The following HIVEP1 variants were observed in gnomAD, a reference collection of about 807,000 sequenced individuals.
HIVEP1 encodes HIVEP zinc finger 1, also known as zinc finger protein 40.
Under a neutral mutation model 180.0 loss-of-function variants are expected in HIVEP1, and 36 were observed. That is an observed-to-expected ratio of 0.20 (90% CI 0.15 to 0.26). The LOEUF is 0.26. Ranked by LOEUF, HIVEP1 falls within the 10% of genes least tolerant of loss-of-function variation. The pLI, the probability that HIVEP1 is intolerant of heterozygous loss-of-function variation, is 1.00. For missense variants in HIVEP1, 3,143 were observed against 3,268.7 expected (o/e 0.96, Z 0.94); for synonymous variants, 1,239 against 1,239.0 (o/e 1.00, Z 0.00).
At chr6:12,206,079 C>T in the HIVEP1 span, among the ~76,000 whole-genome samples, 1 of 152,136 alleles carries the variant, frequency 6.6e-6, no homozygotes. Flanking sequence ...TTAGGATGGG[C>T]CCTAATCCAA....
intron 7 of HIVEP1, among the ~76,000 whole-genome samples, chr6:12,148,126 G>C (rs1759481009): frequency 6.6e-6 from 1 of 152,200 alleles, no homozygotes; most frequent in Admixed American, 6.5e-5. Flanking sequence ...CATACAGTAG[G>C]AGTAGAAGAA....
intron 7 of HIVEP1, among the ~76,000 whole-genome samples, chr6:12,152,740 A>G (rs1759782248): frequency 6.6e-6 from 1 of 152,200 alleles, no homozygotes; most frequent in Admixed American, 6.5e-5. Context: ...AACCCAGGAA[A>G]GGAATCCCAG....
At chr6:12,157,453 C>G (rs1447154093) in intron 7 of HIVEP1, among the ~76,000 whole-genome samples, 2 of 152,122 alleles carry the variant, frequency 1.3e-5, no homozygotes, top group Non-Finnish European at 2.9e-5. Flanking sequence ...ATTTCCTCTA[C>G]TGACTTATTA....
chr6:12,035,860 A>G (rs551954949), intron 2 of HIVEP1, among the ~76,000 whole-genome samples: 18 of 152,338 alleles, frequency 1.2e-4, no homozygotes, highest in African/African-American at 4.3e-4. Context: ...AGCATGACAG[A>G]TAGAAAAATA....
In HIVEP1 at chr6:12,013,894, G is replaced by A. The variant is rs538846815; in HGVS notation, c.-104+1328G>A. Reference sequence around the variant, plus strand: ...TTTGTGCTGAGCTGACATACAGCCAGATCAGGGATAAAATACTGAAGTTAA... The same window carrying A: ...TTTGTGCTGAGCTGACATACAGCCAAATCAGGGATAAAATACTGAAGTTAA... On this transcript the variant is annotated intron_variant, in intron 1 of 8. Coordinates refer to ENST00000379388, the MANE Select transcript of HIVEP1 (RefSeq NM_002114.4). Among the ~76,000 whole-genome samples, 140 of 152,304 alleles carry A rather than the reference G, an allele frequency of 9.2e-4. 1 individual carries two copies. Among genetic ancestry groups the A allele is most frequent in the Non-Finnish European group, 1.6e-4 (11 of 68,028 alleles).
intron 2 of HIVEP1, among the ~76,000 whole-genome samples, chr6:12,078,723 T>A (rs927083792): frequency 8.9e-6 from 1 of 112,462 alleles, no homozygotes; most frequent in Non-Finnish European, 2.4e-5. Context: ...CACACACATA[T>A]ATATATACTT....
At chr6:12,067,814 A>G (rs1300372073) in intron 2 of HIVEP1, among the ~76,000 whole-genome samples, 2 of 152,112 alleles carry the variant, frequency 1.3e-5, no homozygotes, top group African/African-American at 4.8e-5. Context: ...GTGGGGTACA[A>G]ATCAATGGCC....
chr6:12,008,118 G>A (rs1337674771), upstream of HIVEP1: 4 of 152,160 alleles, frequency 2.6e-5, no homozygotes, highest in African/African-American at 9.7e-5. Flanking sequence ...ACTATATCCA[G>A]TGTCTGCTAG....
Position 12,089,255 on chromosome 6 carries a change from T to G in HIVEP1, c.94+18T>G. The G allele has an allele frequency of 4.1e-6, 6 of 1,465,274 alleles. No individual in the cohort carries two copies. The highest frequency in any genetic ancestry group is 5.7e-6 in the Non-Finnish European group (6 of 1,049,892). 90.8% of individuals were successfully genotyped at this position (1,465,274 alleles called of 1,614,324 possible). ...AAAAAAAGGTAAATTAAAATCAGCT[T>G]GAATGTAAACTTTATTCTTGCAATG... On this transcript the variant is annotated intron_variant, in intron 3 of 8. Transcript: ENST00000379388.
chr6:12,163,246 A>T, intron 8 of HIVEP1, 37 bp from the exon 9 acceptor site: 1 of 1,470,900 alleles, frequency 6.8e-7, no homozygotes. Flanking sequence ...ATTACAAAAG[A>T]CCTGTCATAA....
In HIVEP1 at chr6:12,121,178, A is replaced by T; in HGVS notation, c.1383A>T (p.Lys461Asn). Residue 461 changes from lysine (K) to asparagine (N), a missense_variant, in exon 4 of 9, where the codon AAA becomes AAT. Physicochemically the swap from Lys to Asn is moderately conservative, Grantham distance 94. This residue lies in a region of HIVEP1 where 365 missense variants were observed against 344.4 expected (regional missense o/e 1.06). Coordinates refer to ENST00000379388, the MANE Select transcript of HIVEP1 (RefSeq NM_002114.4). The surrounding 1 kb of genome is among the most constrained non-coding windows in gnomAD (Gnocchi z 5.3). ...AGAAATCCCACGCACATACTATCAA[A>T]CTGGGTCTTGTCTTGCAACCAGATG... is the stretch of plus-strand genomic sequence containing the variant. The part of the protein sequence containing the change: ...KHKKSHAHTI[K>N]LGLVLQPDAG... 6.2e-7 allele frequency: 1 copy of T among 1,614,080 alleles called. No homozygotes were observed. The highest frequency in any genetic ancestry group is 8.5e-7 in the Non-Finnish European group (1 of 1,180,012).
chr6:12,098,681 T>C (rs1282011347), intron 3 of HIVEP1, among the ~76,000 whole-genome samples: 1 of 152,148 alleles, frequency 6.6e-6, no homozygotes, highest in African/African-American at 2.4e-5. Context: ...CTGAAGAATA[T>C]AATTTGAGGG....
chr6:12,128,117 A>T (rs1015384817), intron 4 of HIVEP1, among the ~76,000 whole-genome samples: 2 of 152,252 alleles, frequency 1.3e-5, no homozygotes, highest in Non-Finnish European at 2.9e-5. Context: ...TAGAAGCCAG[A>T]TTTAATAGTA....
At chr6:12,113,931 T>C (rs1302952152) in intron 3 of HIVEP1, among the ~76,000 whole-genome samples, 1 of 152,270 alleles carries the variant, frequency 6.6e-6, no homozygotes, top group Non-Finnish European at 1.5e-5. Flanking sequence ...TATCACACAT[T>C]ATTTGTTTAA....
intron 2 of HIVEP1, among the ~76,000 whole-genome samples, chr6:12,055,208 C>T (rs1391907882): frequency 6.6e-6 from 1 of 152,234 alleles, no homozygotes; most frequent in Non-Finnish European, 1.5e-5. Flanking sequence ...TTTTCAGTGG[C>T]TCACGCCTGT....
intron 7 of HIVEP1, among the ~76,000 whole-genome samples, chr6:12,138,509 T>C (rs1200823140): frequency 3.3e-5 from 5 of 152,224 alleles, no homozygotes; most frequent in Admixed American, 1.3e-4. Context: ...GTTTCTAGCC[T>C]TCCACTAGCC....
the HIVEP1 span, among the ~76,000 whole-genome samples, chr6:12,191,769 G>A: frequency 6.6e-6 from 1 of 152,138 alleles, no homozygotes; most frequent in South Asian, 2.1e-4. Context: ...ACATGGTAAT[G>A]CTTTTCATAT....
At chr6:12,064,639 G>A (rs910761725) in intron 2 of HIVEP1, among the ~76,000 whole-genome samples, 1 of 152,072 alleles carries the variant, frequency 6.6e-6, no homozygotes, top group Non-Finnish European at 1.5e-5. Context: ...AGAACTCTTG[G>A]TTCTTAGGTC....
intron 2 of HIVEP1, among the ~76,000 whole-genome samples, chr6:12,064,745 C>T (rs751183316): frequency 1.3e-5 from 2 of 152,114 alleles, no homozygotes; most frequent in East Asian, 1.9e-4. Flanking sequence ...CTCCCCACGC[C>T]GTACACACAC....
Sources: gnomAD v4.1 joint callset for allele counts (sites outside exome capture counted in the v4.1 genomes callset) on GRCh38, gnomAD v4.1.1 for gene constraint, gnomAD v4.1.1 regional missense constraint, Gnocchi (gnomAD v3.1) non-coding constraint, MANE v1.5 for transcripts, NCBI Gene and HGNC (gene_info 2026-07-23, HGNC 2026-07-21) for gene names.